Variants in RBMS2 observed in about 807,000 individuals in gnomAD.
RBMS2 encodes the protein RNA binding motif single stranded interacting protein 2, also known as RNA-binding motif, single-stranded-interacting protein 2.
A neutral mutation model predicts 58.4 loss-of-function variants in RBMS2; 38 were observed. The ratio of observed to expected loss-of-function variants is 0.65; its 90% CI spans 0.50 to 0.85. The LOEUF (loss-of-function observed/expected upper bound fraction) is 0.85, where lower values mean the gene tolerates loss of function less well. Ranked by LOEUF, RBMS2 falls within the 40% of genes least tolerant of loss-of-function variation. The pLI is 0.00. For synonymous variants in RBMS2, 151 were observed against 180.7 expected (o/e 0.84, Z 1.32); for missense variants, 367 against 503.7 (o/e 0.73, Z 2.60).
At chr12:56,561,280 C>T (rs1331644081) in intron 1 of RBMS2, among the ~76,000 whole-genome samples, 1 of 152,142 alleles carries the variant, frequency 6.6e-6, no homozygotes, top group Non-Finnish European at 1.5e-5. Context: ...GGTATATACA[C>T]AGCAATGGGA....
chr12:56,561,291 T>C (rs1361302462), intron 1 of RBMS2, among the ~76,000 whole-genome samples: 1 of 152,208 alleles, frequency 6.6e-6, no homozygotes, highest in Non-Finnish European at 1.5e-5. Context: ...AGCAATGGGA[T>C]TGCTGGGCTA....
At chr12:56,537,432 T>G (rs1325934527) in intron 1 of RBMS2, among the ~76,000 whole-genome samples, 1 of 152,222 alleles carries the variant, frequency 6.6e-6, no homozygotes, top group African/African-American at 2.4e-5. Flanking sequence ...CTTATGTAAG[T>G]GGAATCATAC....
At position 56,595,567 on chromosome 12, in the gene RBMS2, A is replaced by G. The variant is rs899280004; in HGVS notation, c.*6434A>G. On this transcript the variant is annotated 3_prime_UTR_variant, in exon 14 of 14. Coordinates refer to ENST00000262031, the MANE Select transcript of RBMS2 (RefSeq NM_002898.4). ...AGAGGTCCATTTTGTCTTACTTCAC[A>G]CTTTTTTTTTTTTAAATAAAACACA... 5 of 136,174 alleles carry G rather than the reference A, an allele frequency of 3.7e-5. No individual in the cohort carries two copies. In the Admixed American group the frequency reaches 3.7e-4, roughly 10 times the overall value. The allele number at this position is 136,174 out of a possible 1,614,324, so 8.4% of individuals were successfully genotyped here.
In RBMS2 at chr12:56,588,971, C is replaced by T; in HGVS notation, c.1183C>T (p.Pro395Ser). The change falls in exon 13 of 14, where the codon CCC (proline) becomes TCC (serine). Residue 395 changes from proline to serine, a missense_variant. Physicochemically the swap from Pro to Ser is moderately conservative, Grantham distance 74. This residue lies in a region of RBMS2 where 220 missense variants were observed against 261.1 expected (regional missense o/e 0.84). Transcript: ENST00000262031. ...ACAGAACCAAGTGGCAGTGGACGCACCCTCAGAGCATGGGGTCTATTCTTT... is the reference window on the plus strand; with the variant it reads ...ACAGAACCAAGTGGCAGTGGACGCATCCTCAGAGCATGGGGTCTATTCTTT... ...GQQNQVAVDAPSEHGVYSFQF... is the reference protein window; with the variant it reads ...GQQNQVAVDASSEHGVYSFQF... The T allele has an allele frequency of 1.2e-6, 2 of 1,614,144 alleles. No individual in the cohort carries two copies. The highest frequency in any genetic ancestry group is 1.1e-5 in the South Asian group (1 of 91,080).
In RBMS2 at chr12:56,591,411, T is replaced by C. The variant is rs1213755771; in HGVS notation, c.*2278T>C. 3 of 152,138 alleles carry C rather than the reference T, an allele frequency of 2.0e-5. No individual in the cohort carries two copies. The highest frequency in any genetic ancestry group is 2.9e-5 in the Non-Finnish European group (2 of 68,050). 9.4% of individuals were successfully genotyped at this position (152,138 alleles called of 1,614,324 possible). A position where few individuals can be genotyped will look rare whatever the true frequency, so the allele number is the denominator to read the frequency against. ...GGAGTGCGGGGCAATGGGTAGGATA[T>C]AAAGCGTAAAGGACAAATTGCCGCA... On this transcript the variant is annotated 3_prime_UTR_variant, in exon 14 of 14. Coordinates refer to ENST00000262031, the MANE Select transcript of RBMS2 (RefSeq NM_002898.4).
chr12:56,579,909 G>A (rs1036233435), intron 5 of RBMS2, among the ~76,000 whole-genome samples: 1 of 151,866 alleles, frequency 6.6e-6, no homozygotes, highest in African/African-American at 2.4e-5. Context: ...TAGATCAGAG[G>A]GGTTTTTTTG....
intron 1 of RBMS2, among the ~76,000 whole-genome samples, chr12:56,557,099 T>C (rs1240282450): frequency 6.6e-6 from 1 of 152,132 alleles, no homozygotes; most frequent in Non-Finnish European, 1.5e-5. Flanking sequence ...TGTTGAAGAA[T>C]TAGAACTTCC....
chr12:56,534,134 T>C (rs1343324176), intron 1 of RBMS2, among the ~76,000 whole-genome samples: 1 of 152,176 alleles, frequency 6.6e-6, no homozygotes, highest in Non-Finnish European at 1.5e-5. Flanking sequence ...TTTGTTTTTT[T>C]ACCTTCAGTT....
chr12:56,564,296 CTG>C (rs1491524043), intron 2 of RBMS2, among the ~76,000 whole-genome samples: 2 of 152,058 alleles, frequency 1.3e-5, no homozygotes, highest in African/African-American at 2.4e-5. Context: ...TCCTCAGTAT[CTG>C]GGGGGGATTT....
intron 5 of RBMS2, chr12:56,572,927 C>G: frequency 6.1e-6 from 6 of 985,202 alleles, no homozygotes; most frequent in Non-Finnish European, 7.2e-6. Flanking sequence ...TGCAGTTTTC[C>G]CAGGTGCCCT....
chr12:56,554,546 T>A (rs1878884067), intron 1 of RBMS2, among the ~76,000 whole-genome samples: 1 of 151,834 alleles, frequency 6.6e-6, no homozygotes, highest in Non-Finnish European at 1.5e-5. Flanking sequence ...TGAGAACACA[T>A]AGACATAGAG....
intron 2 of RBMS2, among the ~76,000 whole-genome samples, chr12:56,566,565 C>G (rs2136446031): frequency 6.6e-6 from 1 of 152,334 alleles, no homozygotes; most frequent in South Asian, 2.1e-4. Flanking sequence ...CACCTGTAAT[C>G]ACAGCACTTT....
In RBMS2 at chr12:56,589,020, T is replaced by C. The variant is rs2136616432; in HGVS notation, c.*6+2T>C. The C allele has an allele frequency of 1.2e-6, 2 of 1,614,134 alleles. No homozygotes were observed. The highest frequency in any genetic ancestry group is 2.2e-5 in the South Asian group (2 of 91,078). ...TTCCAGTTCAACAAGTAACAGTGGG[T>C]AAGAACCACATGCTGGGGGGCAGGG... On this transcript the variant is annotated splice_donor_variant, in intron 13 of 13. Coordinates refer to ENST00000262031, the MANE Select transcript of RBMS2 (RefSeq NM_002898.4). LOFTEE classifies it low-confidence loss of function (3UTR_SPLICE).
At position 56,589,331 on chromosome 12, in the gene RBMS2, G is replaced by A. The variant is rs1420582184; in HGVS notation, c.*198G>A. The A allele has an allele frequency of 3.2e-6, 4 of 1,262,494 alleles. No homozygotes were observed. The highest frequency in any genetic ancestry group is 9.2e-5 in the East Asian group (2 of 21,728). The allele number at this position is 1,262,494 out of a possible 1,614,324, so 78.2% of individuals were successfully genotyped here. On this transcript the variant is annotated 3_prime_UTR_variant, in exon 14 of 14. Transcript: ENST00000262031. Reference sequence around the variant, plus strand: ...GTTCCTGCCCTTTACTATTGCTGATGGAGCCTGGGGGAACCATCACTTTTT... The same window carrying A: ...GTTCCTGCCCTTTACTATTGCTGATAGAGCCTGGGGGAACCATCACTTTTT...
At chr12:56,534,414 C>A (rs934192107) in intron 1 of RBMS2, among the ~76,000 whole-genome samples, 1 of 152,120 alleles carries the variant, frequency 6.6e-6, no homozygotes, top group African/African-American at 2.4e-5. Context: ...TGCGAATATT[C>A]CACTTTGGGA....
At position 56,590,838 on chromosome 12, in the gene RBMS2, G is replaced by C. The variant is rs2136628521; in HGVS notation, c.*1705G>C. 1 of 152,338 alleles carries C rather than the reference G, an allele frequency of 6.6e-6. No individual in the cohort carries two copies. The highest frequency in any genetic ancestry group is 2.1e-4 in the South Asian group (1 of 4,820). The allele number at this position is 152,338 out of a possible 1,614,324, so 9.4% of individuals were successfully genotyped here. A position where few individuals can be genotyped will look rare whatever the true frequency, so the allele number is the denominator to read the frequency against. ...TAAACTGTCCAGAGCAACCTGCCCTGCCCCGGTGTGCTTGGACCCTTTGCC... is the reference window on the plus strand; with the variant it reads ...TAAACTGTCCAGAGCAACCTGCCCTCCCCCGGTGTGCTTGGACCCTTTGCC... On this transcript the variant is annotated 3_prime_UTR_variant, in exon 14 of 14. Coordinates refer to ENST00000262031, the MANE Select transcript of RBMS2 (RefSeq NM_002898.4).
chr12:56,527,057 C>T (rs948910576), intron 1 of RBMS2, among the ~76,000 whole-genome samples: 3 of 152,138 alleles, frequency 2.0e-5, no homozygotes, highest in Admixed American at 6.6e-5. Flanking sequence ...GTGGGTACTG[C>T]CAGATCCTCA....
chr12:56,579,399 G>A (rs1361839972), intron 5 of RBMS2, among the ~76,000 whole-genome samples: 1 of 152,166 alleles, frequency 6.6e-6, no homozygotes. Context: ...GGGAGGATGA[G>A]GCGGGCGGAT....
At chr12:56,559,286 G>A (rs1204376343) in intron 1 of RBMS2, among the ~76,000 whole-genome samples, 1 of 151,588 alleles carries the variant, frequency 6.6e-6, no homozygotes, top group Non-Finnish European at 1.5e-5. Flanking sequence ...CTGGGTTCAC[G>A]CCATTCTCCT....
Sources: gnomAD v4.1 joint callset for allele counts (sites outside exome capture counted in the v4.1 genomes callset) on GRCh38, gnomAD v4.1.1 for gene constraint, gnomAD v4.1.1 regional missense constraint, MANE v1.5 for transcripts, NCBI Gene and HGNC (gene_info 2026-07-23, HGNC 2026-07-21) for gene names.